Variants in KIF18A observed in about 807,000 individuals in gnomAD.
The protein encoded by KIF18A is kinesin-like protein KIF18A.
KIF18A carries 67 observed loss-of-function variants against 103.3 expected under a neutral mutation model. That is an observed-to-expected ratio of 0.65 (90% CI 0.53 to 0.79). The LOEUF is 0.79. Among genes scored for constraint, KIF18A ranks in the 30% least tolerant of loss-of-function variants. The probability of loss-of-function intolerance (pLI) is 0.00; values close to 1 mark genes in which losing one functional copy is unlikely to be tolerated. For missense variants in KIF18A, 1,032 were observed against 1,062.5 expected, an observed-to-expected ratio of 0.97 and a Z score of 0.40; for synonymous variants, 367 against 355.5, an observed-to-expected ratio of 1.03 and a Z score of -0.36.
chr11:28,045,208 C>CTA (rs1002861178), intron 13 of KIF18A, among the ~76,000 whole-genome samples: 11 of 151,922 alleles, frequency 7.2e-5, no homozygotes, highest in Admixed American at 7.2e-4. Context: ...AATTGACTGC[C>CTA]TATACCTCAA....
intron 11 of KIF18A, among the ~76,000 whole-genome samples, chr11:28,066,828 A>ATTATC (rs1382039380): frequency 7.5e-6 from 1 of 133,504 alleles, no homozygotes; most frequent in East Asian, 2.0e-4. Context: ...ATTATATTAT[A>ATTATC]TTATATGATG....
At chr11:28,087,852 G>T (rs969307888) in intron 6 of KIF18A, among the ~76,000 whole-genome samples, 3 of 151,986 alleles carry the variant, frequency 2.0e-5, no homozygotes, top group Non-Finnish European at 4.4e-5. Flanking sequence ...TGAGCTTTTC[G>T]AACAGTTTAA....
At chr11:28,077,429 T>A (rs180882800) in intron 9 of KIF18A, among the ~76,000 whole-genome samples, 1 of 152,330 alleles carries the variant, frequency 6.6e-6, no homozygotes, top group East Asian at 1.9e-4. Context: ...CATCATAAGG[T>A]GTCTGGTATT....
At chr11:28,086,519 T>C (rs1252671444) in intron 6 of KIF18A, among the ~76,000 whole-genome samples, 1 of 152,218 alleles carries the variant, frequency 6.6e-6, no homozygotes, top group Non-Finnish European at 1.5e-5. Context: ...CTTTACAATG[T>C]TAAGCTAAAA....
intron 2 of KIF18A, 125 bp downstream of exon 2, chr11:28,097,498 T>C (rs1165080469): frequency 7.0e-6 from 5 of 714,442 alleles, no homozygotes; most frequent in Non-Finnish European, 9.9e-6. Context: ...CTATTGAATT[T>C]CTTAAGAATT....
intron 11 of KIF18A, among the ~76,000 whole-genome samples, chr11:28,068,884 C>G (rs959903048): frequency 6.6e-6 from 1 of 152,088 alleles, no homozygotes. Flanking sequence ...AAAAATAAAA[C>G]CTTTTGCCAT....
rs890387532 is a variant in KIF18A, at chr11:28,097,949, G to A, written c.-2C>T. The A allele has an allele frequency of 1.9e-6, 3 of 1,551,328 alleles. No individual in the cohort carries two copies. In the African/African-American group the frequency reaches 4.2e-5, roughly 21 times the overall value. ...CAGGTCTTCCTCAGTGACAGACATT[G>A]TTGATTATCTTGATTCCTATCTGTA... On this transcript the variant is annotated 5_prime_UTR_variant, in exon 2 of 17. Coordinates refer to ENST00000263181, the MANE Select transcript of KIF18A (RefSeq NM_031217.4).
intron 5 of KIF18A, 46 bp from the exon 6 acceptor site, chr11:28,088,767 A>G: frequency 2.1e-6 from 3 of 1,459,298 alleles, no homozygotes; most frequent in Non-Finnish European, 2.8e-6. Flanking sequence ...AAGATTTAAC[A>G]AAATTAAAAG....
chr11:28,058,182 TGAGA>T (rs1190733719), intron 13 of KIF18A, among the ~76,000 whole-genome samples: 6 of 152,016 alleles, frequency 3.9e-5, no homozygotes, highest in Non-Finnish European at 7.4e-5. Context: ...CATACTTTTA[TGAGA>T]GAAAGAGAAA....
At chr11:28,031,232 C>A (rs972458131) in intron 15 of KIF18A, among the ~76,000 whole-genome samples, 1 of 152,090 alleles carries the variant, frequency 6.6e-6, no homozygotes, top group Admixed American at 6.6e-5. Context: ...CACATGCACA[C>A]GTATGTTTAT....
intron 6 of KIF18A, among the ~76,000 whole-genome samples, chr11:28,085,492 G>A (rs571064642): frequency 2.0e-5 from 3 of 152,150 alleles, no homozygotes; most frequent in Non-Finnish European, 2.9e-5. Context: ...AAGTCTTAAA[G>A]TCTTTGATCT....
At chr11:28,085,550 T>C (rs1851216345) in intron 6 of KIF18A, among the ~76,000 whole-genome samples, 1 of 152,170 alleles carries the variant, frequency 6.6e-6, no homozygotes, top group Non-Finnish European at 1.5e-5. Flanking sequence ...GCCATCTCTC[T>C]CTCTGTTATC....
chr11:28,083,287 A>C lies in KIF18A; in HGVS notation c.1075-44T>G, dbSNP rs538056576. 10 of 1,508,098 alleles carry C rather than the reference A, an allele frequency of 6.6e-6. No homozygotes were observed. The South Asian group carries it at 1.3e-4, about 20-fold the overall frequency. 93.4% of individuals were successfully genotyped at this position (1,508,098 alleles called of 1,614,324 possible). On this transcript the variant is annotated intron_variant, in intron 7 of 16. Coordinates refer to ENST00000263181, the MANE Select transcript of KIF18A (RefSeq NM_031217.4). ...TATGATTGTTTATAGAGAGATAATA[A>C]TCACAGAGATAAATACATGAATAAC... is the stretch of plus-strand genomic sequence containing the variant.
At chr11:28,100,902 A>G (rs1282269368) in intron 1 of KIF18A, among the ~76,000 whole-genome samples, 11 of 152,102 alleles carry the variant, frequency 7.2e-5, no homozygotes, top group Admixed American at 7.2e-4. Flanking sequence ...ATGACCTTGG[A>G]CAAGTTACTT....
intron 4 of KIF18A, among the ~76,000 whole-genome samples, 154 bp downstream of exon 4, chr11:28,091,254 CA>C (rs1212846034): frequency 1.3e-5 from 2 of 151,644 alleles, no homozygotes; most frequent in Non-Finnish European, 2.9e-5. Flanking sequence ...TAAAAGAAAA[CA>C]AAATAAGACT....
At chr11:28,047,363 G>C (rs759232551) in intron 13 of KIF18A, among the ~76,000 whole-genome samples, 1 of 152,072 alleles carries the variant, frequency 6.6e-6, no homozygotes, top group South Asian at 2.1e-4. Context: ...AAGGCCTTAC[G>C]TACTTTAACT....
intron 15 of KIF18A, 151 bp from the exon 16 acceptor site, chr11:28,024,001 T>C: frequency 2.1e-6 from 1 of 470,726 alleles, no homozygotes; most frequent in South Asian, 4.2e-5. Flanking sequence ...AAATACATTT[T>C]TGGCCCACAG....
intron 15 of KIF18A, among the ~76,000 whole-genome samples, chr11:28,028,054 C>A (rs1850343309): frequency 6.6e-6 from 1 of 151,954 alleles, no homozygotes; most frequent in African/African-American, 2.4e-5. Context: ...TGCAAATTAA[C>A]CAATGTGATA....
chr11:28,069,742 A>G (rs1850986808), intron 10 of KIF18A, among the ~76,000 whole-genome samples: 1 of 151,876 alleles, frequency 6.6e-6, no homozygotes, highest in African/African-American at 2.4e-5. Flanking sequence ...GTTTCATTTG[A>G]AAAGTTCATA....
Sources: allele counts gnomAD v4.1 joint callset (sites outside exome capture counted in the v4.1 genomes callset), GRCh38; gene constraint gnomAD v4.1.1; transcripts MANE v1.5; gene names NCBI Gene and HGNC (gene_info 2026-07-23, HGNC 2026-07-21).